The following MGAT4C variants were observed in gnomAD, a reference collection of about 807,000 sequenced individuals.
MGAT4C encodes MGAT4 family member C.
MGAT4C carries 19 observed loss-of-function variants against 40.1 expected under a neutral mutation model. That is an observed-to-expected ratio of 0.47 (90% CI 0.33 to 0.70). The LOEUF is 0.70. Ranked by LOEUF, MGAT4C falls within the 30% of genes least tolerant of loss-of-function variation. The pLI, the probability that MGAT4C is intolerant of heterozygous loss-of-function variation, is 0.02. For missense variants in MGAT4C, 491 were observed against 563.2 expected (o/e 0.87, Z 1.30); for synonymous variants, 181 against 187.1 (o/e 0.97, Z 0.27).
chr12:86,463,685 C>T (rs1957635378), intron 2 of MGAT4C, among the ~76,000 whole-genome samples: 1 of 151,914 alleles, frequency 6.6e-6, no homozygotes, highest in South Asian at 2.1e-4. Context: ...TGTTTTAATT[C>T]CTTGCTTAAC....
chr12:86,017,671 T>A (rs1889232368), intron 2 of MGAT4C, among the ~76,000 whole-genome samples: 1 of 152,110 alleles, frequency 6.6e-6, no homozygotes, highest in South Asian at 2.1e-4. Context: ...AATATCAAAA[T>A]TCAGATATGG....
chr12:86,326,758 A>C (rs372516628), intron 4 of MGAT4C, among the ~76,000 whole-genome samples: 1 of 152,170 alleles, frequency 6.6e-6, no homozygotes, highest in African/African-American at 2.4e-5. Flanking sequence ...TATTTCATAC[A>C]AAATAAAACA....
chr12:86,245,039 G>A (rs941670498), intron 1 of MGAT4C, among the ~76,000 whole-genome samples: 3 of 152,070 alleles, frequency 2.0e-5, no homozygotes, highest in Non-Finnish European at 4.4e-5. Flanking sequence ...TCACAACACT[G>A]GTTAAGTGGG....
At chr12:86,277,748 G>T (rs899653979) in intron 4 of MGAT4C, among the ~76,000 whole-genome samples, 1 of 152,002 alleles carries the variant, frequency 6.6e-6, no homozygotes, top group Non-Finnish European at 1.5e-5. Flanking sequence ...TGTTCCATTG[G>T]TCTATGTGTC....
At chr12:86,385,961 C>T (rs1305271588) in intron 3 of MGAT4C, among the ~76,000 whole-genome samples, 5 of 152,050 alleles carry the variant, frequency 3.3e-5, no homozygotes, top group South Asian at 2.1e-4. Flanking sequence ...GACGGAGTCT[C>T]GCTCTGTCAC....
At chr12:86,764,315 G>A (rs4385958) in intron 1 of MGAT4C, among the ~76,000 whole-genome samples, 48,728 of 151,924 alleles carry the variant, frequency 0.32, 9,606 homozygotes, top group Admixed American at 0.46. Context: ...TGGGGGAGGG[G>A]TGCCCGCCAT....
intron 2 of MGAT4C, among the ~76,000 whole-genome samples, chr12:86,621,812 C>T (rs141852162): frequency 6.6e-6 from 1 of 152,140 alleles, no homozygotes; most frequent in Non-Finnish European, 1.5e-5. Flanking sequence ...TTCAACTTTG[C>T]AGTGATGGAA....
intron 1 of MGAT4C, among the ~76,000 whole-genome samples, chr12:86,077,471 A>C (rs1297226267): frequency 2.0e-5 from 3 of 152,196 alleles, no homozygotes; most frequent in African/African-American, 4.8e-5. Flanking sequence ...TAAATGCACA[A>C]AGATGTTTTT....
chr12:86,210,677 A>G (rs556909349), intron 1 of MGAT4C, among the ~76,000 whole-genome samples: 1 of 152,344 alleles, frequency 6.6e-6, no homozygotes, highest in South Asian at 2.1e-4. Context: ...ATTGATCTGT[A>G]GCTAATTAAA....
At chr12:86,289,761 CTGAGACTT>C (rs1953457634) in intron 4 of MGAT4C, among the ~76,000 whole-genome samples, 1 of 152,114 alleles carries the variant, frequency 6.6e-6, no homozygotes, top group Non-Finnish European at 1.5e-5. Flanking sequence ...GCTTTGTATC[CTGAGACTT>C]TGCTAACGTG....
intron 2 of MGAT4C, among the ~76,000 whole-genome samples, chr12:86,669,048 C>A (rs2136560778): frequency 6.6e-6 from 1 of 152,224 alleles, no homozygotes; most frequent in African/African-American, 2.4e-5. Flanking sequence ...CTTGCCCGGA[C>A]CAACAACCCG....
intron 3 of MGAT4C, among the ~76,000 whole-genome samples, chr12:86,422,297 C>T (rs968853704): frequency 6.6e-6 from 1 of 152,100 alleles, no homozygotes; most frequent in Admixed American, 6.5e-5. Flanking sequence ...GATATATAGC[C>T]GCTGTTCAAA....
rs369780758 is a variant in MGAT4C at position 85,993,295 on chromosome 12, G to A, written c.-6-3743C>T. On this transcript the variant is annotated intron_variant, in intron 2 of 4. Coordinates refer to ENST00000611864, the MANE Select transcript of MGAT4C (RefSeq NM_001351288.2). ...GAAATGAGCTTTATATCTTATATAG[G>A]GCCAGGGATGGGGAGGAGTTGGAAG... Among the ~76,000 whole-genome samples, 74 of 152,314 alleles carry A rather than the reference G, an allele frequency of 4.9e-4. No homozygotes were observed. The South Asian group carries it at 0.014, about 29-fold the overall frequency.
chr12:86,599,447 C>T (rs1216445842), intron 2 of MGAT4C: 1 of 152,018 alleles, frequency 6.6e-6, no homozygotes, highest in Non-Finnish European at 1.5e-5. Flanking sequence ...TAACACAACC[C>T]AAATAAGATC....
intron 2 of MGAT4C, among the ~76,000 whole-genome samples, chr12:86,658,189 A>G (rs1963895094): frequency 6.6e-6 from 1 of 152,050 alleles, no homozygotes; most frequent in Non-Finnish European, 1.5e-5. Flanking sequence ...TAAATCAAAT[A>G]TAACTTGGAC....
At chr12:86,454,074 T>C (rs1001200209) in intron 2 of MGAT4C, among the ~76,000 whole-genome samples, 3 of 152,004 alleles carry the variant, frequency 2.0e-5, no homozygotes, top group African/African-American at 7.3e-5. Context: ...CTCAGAAAAC[T>C]ATAAAGGAAA....
chr12:86,515,561 T>A (rs1398801180), intron 2 of MGAT4C, among the ~76,000 whole-genome samples: 3 of 151,956 alleles, frequency 2.0e-5, no homozygotes, highest in Non-Finnish European at 4.4e-5. Context: ...ACAATCAATG[T>A]AAATAGAATC....
At chr12:86,444,986 T>C (rs909099007) in intron 2 of MGAT4C, among the ~76,000 whole-genome samples, 2 of 152,176 alleles carry the variant, frequency 1.3e-5, no homozygotes, top group Non-Finnish European at 2.9e-5. Flanking sequence ...TTATCCATAG[T>C]GACAGAAAGC....
chr12:86,689,272 T>C (rs574305575), intron 2 of MGAT4C, among the ~76,000 whole-genome samples: 4 of 152,304 alleles, frequency 2.6e-5, no homozygotes, highest in African/African-American at 9.6e-5. Context: ...TTAGCTTCCT[T>C]GCCCTGGGTT....
Sources: allele counts gnomAD v4.1 joint callset (sites outside exome capture counted in the v4.1 genomes callset), GRCh38; gene constraint gnomAD v4.1.1; transcripts MANE v1.5; gene names NCBI Gene and HGNC (gene_info 2026-07-23, HGNC 2026-07-21).